The following PPFIA2 variants were observed in gnomAD, a reference collection of about 807,000 sequenced individuals.
PPFIA2 encodes the protein PPFI scaffold protein A2, also known as liprin-alpha-2.
PPFIA2 carries 46 observed loss-of-function variants against 175.5 expected under a neutral mutation model. The ratio of observed to expected loss-of-function variants is 0.26; its 90% CI spans 0.21 to 0.34. The LOEUF (loss-of-function observed/expected upper bound fraction) is 0.34, where lower values mean the gene tolerates loss of function less well. Ranked by LOEUF, PPFIA2 falls within the 10% of genes least tolerant of loss-of-function variation. The pLI is 1.00. For synonymous variants in PPFIA2, 568 were observed against 511.4 expected, an observed-to-expected ratio of 1.11 and a Z score of -1.49; for missense variants, 1,179 against 1,506.1, an observed-to-expected ratio of 0.78 and a Z score of 3.60.
intron 4 of PPFIA2, among the ~76,000 whole-genome samples, chr12:81,530,780 T>A (rs954788856): frequency 6.6e-6 from 1 of 151,596 alleles, no homozygotes; most frequent in African/African-American, 2.4e-5. Context: ...ATATAATATA[T>A]GTGTTTAAAA....
At chr12:81,748,463 T>C (rs1054657193) in intron 3 of PPFIA2, among the ~76,000 whole-genome samples, 5 of 144,848 alleles carry the variant, frequency 3.5e-5, no homozygotes, top group African/African-American at 1.2e-4. Flanking sequence ...TGCTTATTCC[T>C]ATTTGGCTCT....
intron 4 of PPFIA2, among the ~76,000 whole-genome samples, chr12:81,487,499 T>C (rs2058964448): frequency 6.6e-6 from 1 of 151,682 alleles, no homozygotes; most frequent in Admixed American, 6.6e-5. Flanking sequence ...TTATTATTAT[T>C]AATTACTGGA....
intron 4 of PPFIA2, among the ~76,000 whole-genome samples, chr12:81,520,282 G>C (rs575416748): frequency 2.6e-5 from 4 of 152,286 alleles, no homozygotes; most frequent in Admixed American, 2.6e-4. Flanking sequence ...TGCTGGATAT[G>C]GGGAGGATTC....
In PPFIA2 at chr12:81,369,173, T is replaced by A; in HGVS notation, c.1288A>T (p.Ile430Phe). 6.2e-7 allele frequency: 1 copy of A among 1,608,862 alleles called. No homozygotes were observed. The highest frequency in any genetic ancestry group is 8.5e-7 in the Non-Finnish European group (1 of 1,176,874). ...TCTAAATGTCTCATACGTTCTTCAA[T>A]ATTTCCATGTCTCTCTTCAGCCTGT... ...LTKAEERHGNIEERMRHLEGQ... is the reference protein window; with the variant it reads ...LTKAEERHGNFEERMRHLEGQ... The change falls in exon 12 of 33, where the codon ATT (isoleucine) becomes TTT (phenylalanine). Residue 430 changes from isoleucine (I) to phenylalanine (F), a missense_variant. Transcript: ENST00000549396.
intron 4 of PPFIA2, among the ~76,000 whole-genome samples, chr12:81,638,899 G>C (rs2064528108): frequency 6.6e-6 from 1 of 151,114 alleles, no homozygotes; most frequent in Non-Finnish European, 1.5e-5. Flanking sequence ...GTTTTAGCCG[G>C]GATGGTCTCG....
chr12:81,432,996 C>G lies in PPFIA2; in HGVS notation c.645+6976G>C, dbSNP rs1391803017. 2.0e-5 allele frequency among the ~76,000 whole-genome samples: 3 copies of G among 150,850 alleles called. No individual in the cohort carries two copies. The South Asian group carries it at 6.3e-4, about 32-fold the overall frequency. ...ACAAAAAAAACCACACAAAAACATA[C>G]CTTTAATGGTTTTCACTTTAACAAA... On this transcript the variant is annotated intron_variant, in intron 7 of 32. Transcript: ENST00000549396.
intron 4 of PPFIA2, among the ~76,000 whole-genome samples, chr12:81,508,771 C>G (rs1316788804): frequency 2.5e-5 from 3 of 119,430 alleles, no homozygotes; most frequent in Non-Finnish European, 5.1e-5. Flanking sequence ...CCCCTCCCCC[C>G]ACCCCACAAC....
intron 3 of PPFIA2, among the ~76,000 whole-genome samples, chr12:81,698,305 A>C (rs990244914): frequency 1.3e-5 from 2 of 152,060 alleles, no homozygotes; most frequent in Admixed American, 6.6e-5. Context: ...CTCATAAATG[A>C]ATTAGTGCTG....
intron 4 of PPFIA2, among the ~76,000 whole-genome samples, chr12:81,645,033 A>G (rs2065869678): frequency 6.6e-6 from 1 of 152,074 alleles, no homozygotes; most frequent in Admixed American, 6.6e-5. Context: ...TTCTCTGGAA[A>G]TAAAGAAAAG....
chr12:81,435,604 G>T (rs1171876112), intron 7 of PPFIA2, among the ~76,000 whole-genome samples: 1 of 151,790 alleles, frequency 6.6e-6, no homozygotes, highest in Non-Finnish European at 1.5e-5. Flanking sequence ...GAGAGAAAGA[G>T]ACTCTATATA....
At chr12:81,706,627 G>C in intron 3 of PPFIA2, among the ~76,000 whole-genome samples, 1 of 152,186 alleles carries the variant, frequency 6.6e-6, no homozygotes, top group Non-Finnish European at 1.5e-5. Flanking sequence ...CGTGTGAGGT[G>C]TCAGTCTGCC....
chr12:81,487,343 T>C (rs943637631), intron 4 of PPFIA2, among the ~76,000 whole-genome samples: 5 of 151,906 alleles, frequency 3.3e-5, no homozygotes, highest in African/African-American at 1.2e-4. Flanking sequence ...CTTTTTTGTG[T>C]TTTATCTTAT....
chr12:81,708,760 T>C (rs1298766441), intron 3 of PPFIA2, among the ~76,000 whole-genome samples: 1 of 152,174 alleles, frequency 6.6e-6, no homozygotes, highest in Non-Finnish European at 1.5e-5. Flanking sequence ...CCACAAATAC[T>C]AATGAACATA....
intron 8 of PPFIA2, among the ~76,000 whole-genome samples, chr12:81,401,947 C>A (rs538279793): frequency 4.7e-4 from 72 of 152,094 alleles, no homozygotes; most frequent in African/African-American, 1.7e-3. Context: ...TGTATTTTTT[C>A]TTTTTATTTT....
At chr12:81,550,866 G>C (rs1008986021) in intron 4 of PPFIA2, among the ~76,000 whole-genome samples, 1 of 151,860 alleles carries the variant, frequency 6.6e-6, no homozygotes, top group African/African-American at 2.4e-5. Context: ...AAGAATCTGA[G>C]ATGGGAAGAG....
chr12:81,568,681 T>G (rs1342922419), intron 4 of PPFIA2, among the ~76,000 whole-genome samples: 1 of 152,178 alleles, frequency 6.6e-6, no homozygotes, highest in African/African-American at 2.4e-5. Flanking sequence ...CAAGAATGCA[T>G]GATGAGAAAC....
intron 4 of PPFIA2, among the ~76,000 whole-genome samples, chr12:81,511,554 C>G (rs1426347351): frequency 6.6e-6 from 1 of 151,896 alleles, no homozygotes; most frequent in East Asian, 1.9e-4. Context: ...ATTTCAAATA[C>G]ACAAAAATAT....
chr12:81,276,260 T>C (rs1385045656), intron 28 of PPFIA2, among the ~76,000 whole-genome samples: 1 of 151,870 alleles, frequency 6.6e-6, no homozygotes, highest in African/African-American at 2.4e-5. Context: ...GTCATTGGAG[T>C]CTCAGAAGGG....
At chr12:81,709,935 C>G (rs936743568) in intron 3 of PPFIA2, among the ~76,000 whole-genome samples, 5 of 151,988 alleles carry the variant, frequency 3.3e-5, no homozygotes, top group African/African-American at 1.2e-4. Flanking sequence ...AATATTTTAC[C>G]AGTTTCTTCT....
Sources: allele counts gnomAD v4.1 joint callset (sites outside exome capture counted in the v4.1 genomes callset), GRCh38; gene constraint gnomAD v4.1.1; transcripts MANE v1.5; gene names NCBI Gene and HGNC (gene_info 2026-07-23, HGNC 2026-07-21).